The following NRG3 variants were observed in gnomAD, a reference collection of about 807,000 sequenced individuals.
The protein encoded by NRG3 is neuregulin 3.
In NRG3, 31 loss-of-function variants were observed where a neutral mutation model predicts 66.9. That is an observed-to-expected ratio of 0.46 (90% CI 0.35 to 0.63). NRG3 has a LOEUF of 0.63. Among genes scored for constraint, NRG3 ranks in the 20% least tolerant of loss-of-function variants. The pLI is 0.00. For synonymous variants in NRG3, 393 were observed against 359.4 expected (o/e 1.09, Z -1.06); for missense variants, 910 against 878.9 (o/e 1.04, Z -0.45).
At chr10:82,965,757 A>ATG (rs1851150467) in intron 6 of NRG3, among the ~76,000 whole-genome samples, 1 of 152,002 alleles carries the variant, frequency 6.6e-6, no homozygotes, top group Non-Finnish European at 1.5e-5. Context: ...ATATATATAT[A>ATG]TTAGCACAGA....
chr10:82,159,264 A>C (rs570437751), intron 1 of NRG3, among the ~76,000 whole-genome samples: 8 of 152,038 alleles, frequency 5.3e-5, no homozygotes, highest in African/African-American at 1.9e-4. Context: ...TCAGGAAATT[A>C]GCCTGGCATT....
At chr10:82,111,509 T>A (rs1166679273) in intron 1 of NRG3, among the ~76,000 whole-genome samples, 1 of 152,152 alleles carries the variant, frequency 6.6e-6, no homozygotes, top group Non-Finnish European at 1.5e-5. Flanking sequence ...ATCTGAGGCT[T>A]CCAACATTCT....
chr10:82,603,416 G>T (rs567864409), intron 2 of NRG3, among the ~76,000 whole-genome samples: 65 of 152,298 alleles, frequency 4.3e-4, no homozygotes, highest in Non-Finnish European at 1.9e-4. Context: ...AAAGGCAAGA[G>T]TCTCAAAACT....
intron 4 of NRG3, among the ~76,000 whole-genome samples, chr10:82,902,178 T>C (rs541347280): frequency 6.6e-6 from 1 of 152,228 alleles, no homozygotes; most frequent in Non-Finnish European, 1.5e-5. Context: ...TTATTCACAG[T>C]TTGTAAATAT....
intron 1 of NRG3, among the ~76,000 whole-genome samples, chr10:82,181,777 G>T (rs1038272383): frequency 6.6e-6 from 1 of 151,660 alleles, no homozygotes; most frequent in African/African-American, 2.4e-5. Context: ...AGGCCCATTT[G>T]TTTTATATTG....
chr10:82,409,537 G>A (rs1050106321), intron 2 of NRG3, among the ~76,000 whole-genome samples: 4 of 152,124 alleles, frequency 2.6e-5, no homozygotes, highest in South Asian at 2.1e-4. Context: ...CATGAAGGAC[G>A]TGGGATAAAA....
rs1237357764 is a variant in NRG3 at position 82,033,446 on chromosome 10, C to A, written c.823+157283C>A. 7.2e-5 allele frequency among the ~76,000 whole-genome samples: 11 copies of A among 152,106 alleles called. 1 individual carries two copies. Among genetic ancestry groups the A allele is most frequent in the Admixed American group, 5.2e-4 (8 of 15,258 alleles). The stretch of plus-strand genomic sequence containing the variant: ...CTGTCTGTTTTTAGGTTTCCCTCTA[C>A]CTCTCAAAATAGCTTATAAATAACA... On this transcript the variant is annotated intron_variant, in intron 1 of 8. Coordinates refer to ENST00000372141, the MANE Select transcript of NRG3 (RefSeq NM_001010848.4).
intron 5 of NRG3, among the ~76,000 whole-genome samples, chr10:82,953,749 A>C (rs1354157429): frequency 6.6e-6 from 1 of 151,846 alleles, no homozygotes; most frequent in Non-Finnish European, 1.5e-5. Context: ...AGGCAGGAAG[A>C]TCACTTGAGA....
chr10:81,953,756 G>A (rs944103339), intron 1 of NRG3, among the ~76,000 whole-genome samples: 5 of 152,118 alleles, frequency 3.3e-5, no homozygotes, highest in African/African-American at 1.2e-4. Context: ...AGTTTTTGAT[G>A]ACTCCAGTCT....
chr10:82,348,948 T>C (rs1391155185), intron 1 of NRG3, among the ~76,000 whole-genome samples: 4 of 147,804 alleles, frequency 2.7e-5, no homozygotes, highest in South Asian at 2.2e-4. Flanking sequence ...TCTGTATTGG[T>C]TATTCTAGTT....
At chr10:81,976,022 C>T (rs1188508064) in intron 1 of NRG3, among the ~76,000 whole-genome samples, 1 of 152,270 alleles carries the variant, frequency 6.6e-6, no homozygotes, top group Middle Eastern at 3.4e-3. Flanking sequence ...AGGAATTTAA[C>T]TCTGTTACAA....
chr10:81,877,344 C>A (rs916265991), intron 1 of NRG3, among the ~76,000 whole-genome samples: 11 of 152,118 alleles, frequency 7.2e-5, no homozygotes, highest in Admixed American at 6.5e-5. Flanking sequence ...AAACCCCAGG[C>A]TGCTAGTTCA....
At chr10:82,319,647 G>T (rs74765234) in intron 1 of NRG3, among the ~76,000 whole-genome samples, 2,658 of 152,294 alleles carry the variant, frequency 0.017, 79 homozygotes, top group African/African-American at 0.059. Flanking sequence ...GGGAGCATAA[G>T]TTGGGGTTTG....
At chr10:82,708,809 A>T (rs2056479025) in intron 2 of NRG3, among the ~76,000 whole-genome samples, 1 of 152,198 alleles carries the variant, frequency 6.6e-6, no homozygotes, top group Non-Finnish European at 1.5e-5. Context: ...TTTATAAGAT[A>T]CATTTTCTTC....
chr10:81,916,515 A>G (rs1845724708), intron 1 of NRG3, among the ~76,000 whole-genome samples: 1 of 152,190 alleles, frequency 6.6e-6, no homozygotes, highest in African/African-American at 2.4e-5. Flanking sequence ...CATAAAAGAC[A>G]TTGGCATTGG....
At chr10:82,816,197 C>T (rs996342742) in intron 3 of NRG3, among the ~76,000 whole-genome samples, 24 of 152,202 alleles carry the variant, frequency 1.6e-4, no homozygotes, top group Non-Finnish European at 3.2e-4. Context: ...GGTGTTTCAG[C>T]CATGTTTTTT....
At chr10:82,574,577 C>T (rs774198006) in intron 2 of NRG3, among the ~76,000 whole-genome samples, 12 of 151,666 alleles carry the variant, frequency 7.9e-5, no homozygotes, top group Admixed American at 1.3e-4. Context: ...TTTGAGGTGA[C>T]GGATATCCCA....
At chr10:82,626,995 A>T in intron 2 of NRG3, among the ~76,000 whole-genome samples, 1 of 143,970 alleles carries the variant, frequency 6.9e-6, no homozygotes, top group Non-Finnish European at 1.5e-5. Context: ...ATATTTAGCT[A>T]TTTAGCTATT....
chr10:81,970,658 T>G (rs560660642), intron 1 of NRG3, among the ~76,000 whole-genome samples: 1 of 152,202 alleles, frequency 6.6e-6, no homozygotes, highest in East Asian at 1.9e-4. Context: ...TGTGTGTGTG[T>G]GTGTGGGTGT....
Sources: gnomAD v4.1 joint callset for allele counts (sites outside exome capture counted in the v4.1 genomes callset) on GRCh38, gnomAD v4.1.1 for gene constraint, MANE v1.5 for transcripts, NCBI Gene and HGNC (gene_info 2026-07-23, HGNC 2026-07-21) for gene names.